The following PTPRD variants were observed in gnomAD, a reference collection of about 807,000 sequenced individuals.
PTPRD encodes protein tyrosine phosphatase receptor type D, also known as receptor-type tyrosine-protein phosphatase delta.
A neutral mutation model predicts 214.5 loss-of-function variants in PTPRD; 34 were observed. The ratio of observed to expected loss-of-function variants is 0.16; its 90% CI spans 0.12 to 0.21. The LOEUF (loss-of-function observed/expected upper bound fraction) is 0.21, where lower values mean the gene tolerates loss of function less well. Among genes scored for constraint, PTPRD ranks in the 10% least tolerant of loss-of-function variants. The pLI, the probability that PTPRD is intolerant of heterozygous loss-of-function variation, is 1.00. For synonymous variants in PTPRD, 1,128 were observed against 845.7 expected (o/e 1.33, Z -5.79); for missense variants, 2,545 against 2,398.7 (o/e 1.06, Z -1.27).
At chr9:10,148,732 C>T (rs2099040881) in intron 3 of PTPRD, among the ~76,000 whole-genome samples, 1 of 152,124 alleles carries the variant, frequency 6.6e-6, no homozygotes, top group Non-Finnish European at 1.5e-5. Context: ...AACTGTAATG[C>T]CCAGGTTCAC....
intron 8 of PTPRD, among the ~76,000 whole-genome samples, chr9:9,501,939 C>T (rs935713913): frequency 6.6e-6 from 1 of 151,714 alleles, no homozygotes; most frequent in Non-Finnish European, 1.5e-5. Flanking sequence ...TTGGAGGGAA[C>T]TTTAGGAAAT....
At chr9:8,334,375 A>T (rs866659121) in intron 43 of PTPRD, among the ~76,000 whole-genome samples, 1,973 of 148,546 alleles carry the variant, frequency 0.013, 32 homozygotes, top group African/African-American at 0.047. Context: ...ACTCAAGATT[A>T]AAAAAAAAAC....
chr9:9,724,071 A>G (rs557648769), intron 7 of PTPRD, among the ~76,000 whole-genome samples: 27 of 152,216 alleles, frequency 1.8e-4, no homozygotes, highest in African/African-American at 6.0e-4. Flanking sequence ...CCTGGCCAAA[A>G]TTATTTATGT....
At chr9:8,841,964 T>C (rs1452192161) in intron 11 of PTPRD, among the ~76,000 whole-genome samples, 8 of 150,778 alleles carry the variant, frequency 5.3e-5, no homozygotes, top group African/African-American at 2.0e-4. Context: ...TGAGCAGAGA[T>C]GGCCCCACTG....
At chr9:9,211,744 G>A (rs913482960) in intron 9 of PTPRD, among the ~76,000 whole-genome samples, 1 of 151,810 alleles carries the variant, frequency 6.6e-6, no homozygotes, top group Non-Finnish European at 1.5e-5. Flanking sequence ...AAGGCTCTTT[G>A]TTGTGCTTTG....
chr9:9,148,175 C>A (rs897264088), intron 10 of PTPRD, among the ~76,000 whole-genome samples: 19 of 151,582 alleles, frequency 1.3e-4, no homozygotes, highest in Admixed American at 1.1e-3. Flanking sequence ...AAAGTTTTTG[C>A]TAGAGAAAAA....
chr9:10,443,753 A>G (rs1175970451), intron 2 of PTPRD, among the ~76,000 whole-genome samples: 1 of 151,472 alleles, frequency 6.6e-6, no homozygotes, highest in Non-Finnish European at 1.5e-5. Context: ...GTTAACTACA[A>G]GCTATTTCAT....
rs767662106 is a variant in PTPRD at position 8,485,774 on chromosome 9, G to T, written c.3043C>A (p.Pro1015Thr). 4.3e-6 allele frequency: 7 copies of T among 1,610,802 alleles called. No individual in the cohort carries two copies. Among genetic ancestry groups the T allele is most frequent in the Admixed American group, 1.7e-5 (1 of 59,894 alleles). The change falls in exon 28 of 46, where the codon CCT (proline) becomes ACT (threonine). Residue 1015 changes from proline to threonine, a missense_variant. Transcript: ENST00000381196. ...AGACAAATCCTACCTTGATCCACAG[G>T]CAGTGTCCTGAACTGGACACTGGGA... is the stretch of plus-strand genomic sequence containing the variant. ...YSPSVQFRTL[P>T]VDQVFAKNFH...
intron 4 of PTPRD, among the ~76,000 whole-genome samples, chr9:10,017,519 T>G (rs2096746197): frequency 6.6e-6 from 1 of 152,134 alleles, no homozygotes; most frequent in African/African-American, 2.4e-5. Context: ...ATCTTAACTA[T>G]ACAGATATTT....
intron 3 of PTPRD, among the ~76,000 whole-genome samples, chr9:10,123,263 C>A (rs998695263): frequency 6.6e-6 from 1 of 152,154 alleles, no homozygotes; most frequent in African/African-American, 2.4e-5. Flanking sequence ...CACCTTTAGA[C>A]CCAATAGACT....
intron 22 of PTPRD, 146 bp downstream of exon 22, chr9:8,507,155 G>A: frequency 1.2e-6 from 1 of 832,190 alleles, no homozygotes; most frequent in Non-Finnish European, 1.7e-6. Flanking sequence ...GGGGGAGGGG[G>A]AGTCAAGTTC....
chr9:8,759,032 G>GTTTT (rs545532961), intron 11 of PTPRD, among the ~76,000 whole-genome samples: 45 of 139,992 alleles, frequency 3.2e-4, no homozygotes, highest in African/African-American at 1.1e-3. Flanking sequence ...TTGGTTTTGG[G>GTTTT]TTTTTTTTTT....
intron 11 of PTPRD, among the ~76,000 whole-genome samples, chr9:8,740,921 A>G (rs1565707027): frequency 6.6e-6 from 1 of 152,184 alleles, no homozygotes; most frequent in Non-Finnish European, 1.5e-5. Context: ...GAAGAGTAAA[A>G]CAATTCCTAT....
chr9:8,687,531 A>C lies in PTPRD; in HGVS notation c.64+46249T>G, dbSNP rs369217158. Among the ~76,000 whole-genome samples, 35 of 152,342 alleles carry C rather than the reference A, an allele frequency of 2.3e-4. No individual in the cohort carries two copies. The East Asian group carries it at 5.6e-3, about 24-fold the overall frequency. ...CTCCTCCTAAGGTGCCAACATCAAC[A>C]AACAACAATGTGTACTGTGACTGAA... On this transcript the variant is annotated intron_variant, in intron 12 of 45. Transcript: ENST00000381196.
At chr9:9,291,258 A>G (rs937639174) in intron 9 of PTPRD, among the ~76,000 whole-genome samples, 1 of 151,480 alleles carries the variant, frequency 6.6e-6, no homozygotes, top group African/African-American at 2.4e-5. Flanking sequence ...ATCAGCCTTT[A>G]GAAGAGAAAC....
chr9:10,403,373 C>A (rs996387852), intron 2 of PTPRD, among the ~76,000 whole-genome samples: 58 of 150,236 alleles, frequency 3.9e-4, no homozygotes, highest in Non-Finnish European at 6.5e-4. Context: ...CATGCTTTAA[C>A]TATTTTGAAA....
intron 2 of PTPRD, among the ~76,000 whole-genome samples, chr9:10,554,014 T>C (rs1001195125): frequency 6.6e-6 from 1 of 152,184 alleles, no homozygotes. Context: ...GGATAAGTAG[T>C]GTGGGAAACA....
At chr9:9,024,060 A>G (rs324493) in intron 10 of PTPRD, among the ~76,000 whole-genome samples, 143,848 of 151,724 alleles carry the variant, frequency 0.95, 68,526 homozygotes, top group Middle Eastern at 1. Flanking sequence ...GAAAAAAGAC[A>G]AAAATGAAAG....
At chr9:9,027,741 A>T (rs1198829492) in intron 10 of PTPRD, among the ~76,000 whole-genome samples, 1 of 151,876 alleles carries the variant, frequency 6.6e-6, no homozygotes. Context: ...GTGTTTAGTG[A>T]TGGTGAAGTT....
Sources: allele counts gnomAD v4.1 joint callset (sites outside exome capture counted in the v4.1 genomes callset), GRCh38; gene constraint gnomAD v4.1.1; transcripts MANE v1.5; gene names NCBI Gene and HGNC (gene_info 2026-07-23, HGNC 2026-07-21).